The following KSR2 variants were observed in gnomAD, a reference collection of about 807,000 sequenced individuals.
The protein encoded by KSR2 is kinase suppressor of ras 2.
KSR2 carries 25 observed loss-of-function variants against 107.8 expected under a neutral mutation model. That is an observed-to-expected ratio of 0.23 (90% CI 0.17 to 0.32). KSR2 has a LOEUF of 0.32. Ranked by LOEUF, KSR2 falls within the 10% of genes least tolerant of loss-of-function variation. KSR2 has a pLI of 1.00. For missense variants in KSR2, 887 were observed against 1,268.9 expected (o/e 0.70, Z 4.57); for synonymous variants, 480 against 507.0 (o/e 0.95, Z 0.71).
chr12:117,601,303 G>T (rs987499470), intron 5 of KSR2, among the ~76,000 whole-genome samples: 3 of 150,018 alleles, frequency 2.0e-5, no homozygotes, highest in South Asian at 2.1e-4. Context: ...CTTGGGGGGG[G>T]GGGTACCTAA....
At chr12:117,610,352 C>T (rs192377200) in intron 5 of KSR2, among the ~76,000 whole-genome samples, 1 of 152,130 alleles carries the variant, frequency 6.6e-6, no homozygotes, top group African/African-American at 2.4e-5. Flanking sequence ...TTTAAAATGC[C>T]CCCAAATCAG....
intron 5 of KSR2, among the ~76,000 whole-genome samples, chr12:117,620,508 A>C (rs1327100168): frequency 6.6e-6 from 1 of 152,216 alleles, no homozygotes; most frequent in East Asian, 1.9e-4. Context: ...CACAAAGGAA[A>C]CAAAAAGAAA....
In KSR2 at chr12:117,891,679, CCAAA is replaced by C. The variant is rs553301278; in HGVS notation, c.181-31252_181-31249del. Among the ~76,000 whole-genome samples the C allele has an allele frequency of 7.2e-5, 11 of 151,976 alleles. No individual in the cohort carries two copies. In the East Asian group the frequency reaches 1.7e-3, roughly 24 times the overall value. On this transcript the variant is annotated intron_variant, in intron 1 of 19. Coordinates refer to ENST00000339824, the MANE Select transcript of KSR2 (RefSeq NM_173598.6). ...GAAGCATGGGATGAAAACCAACCAA[CCAAA>C]CAAACAAACAAAAAACAATTAGGCT...
chr12:117,925,496 T>C (rs1412087307), intron 1 of KSR2, among the ~76,000 whole-genome samples: 1 of 152,200 alleles, frequency 6.6e-6, no homozygotes, highest in Admixed American at 6.5e-5. Flanking sequence ...CCTTACTCTT[T>C]AAAGGAGAAG....
Position 117,843,907 on chromosome 12 carries a change from T to A in KSR2, c.472+11521A>T, listed in dbSNP as rs575575742. Among the ~76,000 whole-genome samples, 69 of 151,536 alleles carry A rather than the reference T, an allele frequency of 4.6e-4. 1 individual carries two copies. In the South Asian group the frequency reaches 0.012, roughly 27 times the overall value. ...CCTATGTCAGGGTAGGTTCAAGACC[T>A]TTCTCTGAATCTTAAGCTTCCCTTT... On this transcript the variant is annotated intron_variant, in intron 3 of 19. Transcript: ENST00000339824.
At chr12:117,504,996 G>A (rs1873591304) in intron 14 of KSR2, among the ~76,000 whole-genome samples, 1 of 152,170 alleles carries the variant, frequency 6.6e-6, no homozygotes, top group Admixed American at 6.5e-5. Flanking sequence ...CCACTTGTAA[G>A]TGAGAATATA....
chr12:117,845,218 ATG>A (rs2137180082), intron 3 of KSR2, among the ~76,000 whole-genome samples: 1 of 152,308 alleles, frequency 6.6e-6, no homozygotes, highest in East Asian at 1.9e-4. Flanking sequence ...CTCGATAACA[ATG>A]AGAGATAACA....
chr12:117,880,086 C>T (rs1158273857), intron 1 of KSR2, among the ~76,000 whole-genome samples: 1 of 152,176 alleles, frequency 6.6e-6, no homozygotes, highest in South Asian at 2.1e-4. Context: ...GCGGAGGTTG[C>T]GGTGAGCTGA....
At chr12:117,507,272 T>C (rs1873756195) in intron 14 of KSR2, among the ~76,000 whole-genome samples, 1 of 152,168 alleles carries the variant, frequency 6.6e-6, no homozygotes, top group Non-Finnish European at 1.5e-5. Context: ...GATGGCAAAC[T>C]AGGTCTTCTA....
At chr12:117,773,060 C>G (rs1178340457) in intron 3 of KSR2, among the ~76,000 whole-genome samples, 1 of 152,230 alleles carries the variant, frequency 6.6e-6, no homozygotes, top group Non-Finnish European at 1.5e-5. Context: ...CAACTTCTCT[C>G]TGCCGAAGCT....
At chr12:117,581,712 GC>G (rs1168972707) in intron 6 of KSR2, among the ~76,000 whole-genome samples, 1 of 152,176 alleles carries the variant, frequency 6.6e-6, no homozygotes, top group African/African-American at 2.4e-5. Flanking sequence ...CCCTAAAAGG[GC>G]AGGTATAGCC....
chr12:117,550,001 C>T (rs1028800104), intron 9 of KSR2, among the ~76,000 whole-genome samples: 3 of 152,206 alleles, frequency 2.0e-5, no homozygotes, highest in Non-Finnish European at 4.4e-5. Flanking sequence ...TGAACGGGAC[C>T]AGCAGCTGGT....
In KSR2 at chr12:117,476,611, A is replaced by G. The variant is rs755877502; in HGVS notation, c.2451-16T>C. 2 of 1,605,598 alleles carry G rather than the reference A, an allele frequency of 1.2e-6. No homozygotes were observed. The highest frequency in any genetic ancestry group is 1.7e-6 in the Non-Finnish European group (2 of 1,175,948). ...GTCCTCCCGCCTGGAGAAGCAAAGCACAGGATGAGCTCTGTTTCATAGCCC... is the reference window on the plus strand; with the variant it reads ...GTCCTCCCGCCTGGAGAAGCAAAGCGCAGGATGAGCTCTGTTTCATAGCCC... On this transcript the variant is annotated splice_polypyrimidine_tract_variant and intron_variant, in intron 16 of 19. Transcript: ENST00000339824.
intron 7 of KSR2, among the ~76,000 whole-genome samples, chr12:117,572,870 A>G (rs1430851727): frequency 6.6e-6 from 1 of 152,164 alleles, no homozygotes; most frequent in Non-Finnish European, 1.5e-5. Context: ...AAATTTGTGG[A>G]AGGACCCTGA....
intron 9 of KSR2, among the ~76,000 whole-genome samples, chr12:117,545,825 G>T (rs1304540510): frequency 6.6e-6 from 1 of 152,040 alleles, no homozygotes; most frequent in Non-Finnish European, 1.5e-5. Flanking sequence ...GGCTGCTGTA[G>T]GTAGTATATT....
At chr12:117,848,822 G>GGTGATGGTGGTAACAACA (rs1418352576) in intron 3 of KSR2, among the ~76,000 whole-genome samples, 3 of 138,224 alleles carry the variant, frequency 2.2e-5, no homozygotes, top group African/African-American at 5.8e-5. Flanking sequence ...GGTGGTGGGT[G>GGTGATGGTGGTAACAACA]GTGATGGTGG....
intron 14 of KSR2, among the ~76,000 whole-genome samples, chr12:117,521,245 G>A (rs1481969202): frequency 6.6e-6 from 1 of 152,166 alleles, no homozygotes; most frequent in Non-Finnish European, 1.5e-5. Flanking sequence ...GAGAAGCACT[G>A]TTCCCAGCTG....
intron 3 of KSR2, among the ~76,000 whole-genome samples, chr12:117,838,536 G>C (rs1892337034): frequency 6.6e-6 from 1 of 152,172 alleles, no homozygotes; most frequent in Non-Finnish European, 1.5e-5. Flanking sequence ...CCAGGTACTA[G>C]CTGTGTGACC....
At position 117,588,130 on chromosome 12, in the gene KSR2, G is replaced by A. The variant is rs115987754; in HGVS notation, c.1172-5771C>T. ...TCACTCCTCCATGTCCCTGGGAAAA[G>A]CAAAGGGGGTGTACTCATTGGCCCC... On this transcript the variant is annotated intron_variant, in intron 5 of 19. Transcript: ENST00000339824. Among the ~76,000 whole-genome samples, 1,273 of 152,238 alleles carry A rather than the reference G, an allele frequency of 8.4e-3. 22 individuals carry two copies. The highest frequency in any genetic ancestry group is 0.028 in the African/African-American group (1,169 of 41,542).
Sources: gnomAD v4.1 joint callset for allele counts (sites outside exome capture counted in the v4.1 genomes callset) on GRCh38, gnomAD v4.1.1 for gene constraint, MANE v1.5 for transcripts, NCBI Gene and HGNC (gene_info 2026-07-23, HGNC 2026-07-21) for gene names.